SLC15A2: variants seen among roughly 807,000 people sequenced by gnomAD.
SLC15A2 encodes the protein kidney H(+)/peptide cotransporter.
SLC15A2 carries 77 observed loss-of-function variants against 95.5 expected under a neutral mutation model. The observed-to-expected ratio is 0.81, with a 90% CI of 0.67 to 0.97. The LOEUF is 0.97. SLC15A2 is among the 50% of genes least tolerant of loss of function. SLC15A2 has a pLI of 0.00. For missense variants in SLC15A2, 893 were observed against 874.4 expected (o/e 1.02, Z -0.27); for synonymous variants, 306 against 306.9 (o/e 1.00, Z 0.03).
At chr3:121,925,139 GT>G in intron 13 of SLC15A2, 106 bp downstream of exon 13, 2 of 788,824 alleles carry the variant, frequency 2.5e-6, no homozygotes. Flanking sequence ...ATTGGTTTTA[GT>G]TTATCATCTA....
chr3:121,936,327 T>C (rs1292271169), intron 19 of SLC15A2, among the ~76,000 whole-genome samples: 3 of 152,312 alleles, frequency 2.0e-5, no homozygotes, highest in Admixed American at 6.5e-5. Context: ...CCTTGTTGAC[T>C]TTCTGTCTCT....
At chr3:121,914,733 GA>G (rs1709846532) in intron 5 of SLC15A2, among the ~76,000 whole-genome samples, 1 of 151,682 alleles carries the variant, frequency 6.6e-6, no homozygotes, top group African/African-American at 2.4e-5. Context: ...ACAACATACT[GA>G]AAAAACAGAC....
chr3:121,928,651 C>T, intron 15 of SLC15A2, 96 bp downstream of exon 15: 1 of 1,344,148 alleles, frequency 7.4e-7, no homozygotes, highest in Non-Finnish European at 1.0e-6. Context: ...CTTCCCATGT[C>T]TTTAGATAAT....
Position 121,928,498 on chromosome 3 carries a change from G to A in SLC15A2, c.1284G>A (p.Val428=). Residue 428 remains valine, a synonymous_variant, in exon 15 of 22, where the codon GTG becomes GTA. Transcript: ENST00000489711. ...ATCTGGCAGATGATGAGGTGAAGGT[G>A]ACAGTGGTGGGAAATGAAAACAATT... ...VLNLADDEVK[V]TVVGNENNSL... 1.2e-6 allele frequency: 2 copies of A among 1,614,098 alleles called. No homozygotes were observed. The highest frequency in any genetic ancestry group is 1.7e-6 in the Non-Finnish European group (2 of 1,179,916).
In SLC15A2 at chr3:121,939,067, G is replaced by A. The variant is rs146408100; in HGVS notation, c.1762-282G>A. ...TTAAAATGTTGTCCAGGATCAAAAT[G>A]CCTGATAGGGCAAAACGGTGGAAAT... On this transcript the variant is annotated intron_variant, in intron 19 of 21. Coordinates refer to ENST00000489711, the MANE Select transcript of SLC15A2 (RefSeq NM_021082.4). 5.6e-4 allele frequency: 148 copies of A among 266,600 alleles called. 1 individual carries two copies. In the East Asian group the frequency reaches 0.01, roughly 18 times the overall value. 16.5% of individuals were successfully genotyped at this position (266,600 alleles called of 1,614,324 possible).
intron 17 of SLC15A2, among the ~76,000 whole-genome samples, chr3:121,929,743 A>T (rs531340910): frequency 6.0e-4 from 91 of 152,310 alleles, no homozygotes; most frequent in African/African-American, 2.0e-3. Context: ...TTTTATTATA[A>T]GCCTGTAGAG....
chr3:121,941,262 A>C lies in SLC15A2; in HGVS notation c.*255A>C. On this transcript the variant is annotated 3_prime_UTR_variant, in exon 22 of 22. Coordinates refer to ENST00000489711, the MANE Select transcript of SLC15A2 (RefSeq NM_021082.4). Reference sequence around the variant, plus strand: ...GCTGGAGCTGGCCTGGTGTCTCCAAATGACCATGAAAATACACACGTATAA... The same window carrying C: ...GCTGGAGCTGGCCTGGTGTCTCCAACTGACCATGAAAATACACACGTATAA... 1 of 333,996 alleles carries C rather than the reference A, an allele frequency of 3.0e-6. No individual in the cohort carries two copies. The highest frequency in any genetic ancestry group is 5.4e-6 in the Non-Finnish European group (1 of 184,824). 20.7% of individuals were successfully genotyped at this position (333,996 alleles called of 1,614,324 possible).
rs546310513 is a variant in SLC15A2 at position 121,935,825 on chromosome 3, C to A, written c.1762-3524C>A. 2.0e-4 allele frequency among the ~76,000 whole-genome samples: 31 copies of A among 152,100 alleles called. No individual in the cohort carries two copies. The East Asian group carries it at 6.0e-3, about 29-fold the overall frequency. On this transcript the variant is annotated intron_variant, in intron 19 of 21. Transcript: ENST00000489711. ...CTGCTAGCTTTTGAATGTGTTTGCTCTTGCTTTTCTAGTTCTTTTAATTGT... is the reference window on the plus strand; with the variant it reads ...CTGCTAGCTTTTGAATGTGTTTGCTATTGCTTTTCTAGTTCTTTTAATTGT...
At chr3:121,926,284 G>C (rs1710120428) in intron 13 of SLC15A2, among the ~76,000 whole-genome samples, 1 of 152,140 alleles carries the variant, frequency 6.6e-6, no homozygotes, top group Non-Finnish European at 1.5e-5. Context: ...GTGGGAGGTA[G>C]TCGGATCATG....
chr3:121,913,397 C>T (rs1351695433), intron 5 of SLC15A2, among the ~76,000 whole-genome samples: 1 of 152,188 alleles, frequency 6.6e-6, no homozygotes, highest in African/African-American at 2.4e-5. Flanking sequence ...GAGGAGAATA[C>T]TATAGCTGCT....
chr3:121,938,262 G>A (rs1710389709), intron 19 of SLC15A2, among the ~76,000 whole-genome samples: 1 of 152,276 alleles, frequency 6.6e-6, no homozygotes, highest in African/African-American at 2.4e-5. Flanking sequence ...ACAGAGGCAG[G>A]CAGGCCGCCT....
intron 3 of SLC15A2, among the ~76,000 whole-genome samples, chr3:121,898,551 C>A (rs1456799374): frequency 6.6e-6 from 1 of 152,154 alleles, no homozygotes; most frequent in Non-Finnish European, 1.5e-5. Context: ...GAGCATTTCT[C>A]AAAGGGCATT....
At chr3:121,918,638 A>G (rs1559847156) in intron 7 of SLC15A2, among the ~76,000 whole-genome samples, 1 of 152,218 alleles carries the variant, frequency 6.6e-6, no homozygotes, top group Non-Finnish European at 1.5e-5. Context: ...GCAAAGAGGA[A>G]AAGCCCACAA....
intron 3 of SLC15A2, among the ~76,000 whole-genome samples, chr3:121,898,086 T>C (rs1272541454): frequency 6.6e-6 from 1 of 151,068 alleles, no homozygotes; most frequent in Non-Finnish European, 1.5e-5. Context: ...TGCTTGAATA[T>C]GGGAGGCAGA....
chr3:121,927,509 T>C (rs1559851153), intron 13 of SLC15A2: 4 of 442,542 alleles, frequency 9.0e-6, no homozygotes, highest in Non-Finnish European at 1.6e-5. Flanking sequence ...CACCTTTGGC[T>C]TCTCCCATGA....
chr3:121,898,023 A>G (rs1354315016), intron 3 of SLC15A2, among the ~76,000 whole-genome samples: 1 of 152,010 alleles, frequency 6.6e-6, no homozygotes, highest in East Asian at 1.9e-4. Context: ...TTGGCCAGGC[A>G]TGGTGGCGGG....
Position 121,928,976 on chromosome 3 carries a change from T to G in SLC15A2, c.1342-6T>G. The G allele has an allele frequency of 6.2e-7, 1 of 1,613,316 alleles. No homozygotes were observed. Among genetic ancestry groups the G allele is most frequent in the Non-Finnish European group, 8.5e-7 (1 of 1,179,664 alleles). On this transcript the variant is annotated splice_polypyrimidine_tract_variant and splice_region_variant and intron_variant, in intron 15 of 21. Transcript: ENST00000489711. ...TGACCTTCATTTTATATTCTTCATT[T>G]TACAGAAAACACCACACTATTCCAA...
Position 121,940,975 on chromosome 3 carries a change from A to G in SLC15A2, c.2158A>G (p.Ile720Val), listed in dbSNP as rs759087459. ...CATTCCTCACATCCAGGGGAACATG[A>G]TCAAACTAGAGACCAAGAAGACAAA... ...KHIPHIQGNM[I>V]KLETKKTKL is the part of the protein sequence containing the mutation. Residue 720 changes from isoleucine (I) to valine (V), a missense_variant, in exon 22 of 22, where the codon ATC (isoleucine) becomes GTC (valine). Coordinates refer to ENST00000489711, the MANE Select transcript of SLC15A2 (RefSeq NM_021082.4). The G allele has an allele frequency of 1.2e-6, 2 of 1,614,038 alleles. No homozygotes were observed. Among genetic ancestry groups the G allele is most frequent in the Middle Eastern group, 1.7e-4 (1 of 6,060 alleles).
At chr3:121,927,234 T>TG (rs1205730932) in intron 13 of SLC15A2, among the ~76,000 whole-genome samples, 4 of 152,204 alleles carry the variant, frequency 2.6e-5, no homozygotes, top group Non-Finnish European at 5.9e-5. Flanking sequence ...ATGAGATTTT[T>TG]GGGGGGCTAG....
Sources: gnomAD v4.1 joint callset for allele counts (sites outside exome capture counted in the v4.1 genomes callset) on GRCh38, gnomAD v4.1.1 for gene constraint, MANE v1.5 for transcripts, NCBI Gene and HGNC (gene_info 2026-07-23, HGNC 2026-07-21) for gene names.